The following KIAA1217 variants were observed in gnomAD, a reference collection of about 807,000 sequenced individuals.
KIAA1217 encodes the protein sickle tail protein homolog.
KIAA1217 carries 88 observed loss-of-function variants against 163.9 expected under a neutral mutation model. The ratio of observed to expected loss-of-function variants is 0.54; its 90% CI spans 0.45 to 0.64. The LOEUF is 0.64. Among genes scored for constraint, KIAA1217 ranks in the 30% least tolerant of loss-of-function variants. The pLI is 0.00. For missense variants in KIAA1217, 2,372 were observed against 2,475.0 expected (o/e 0.96, Z 0.88); for synonymous variants, 903 against 923.1 (o/e 0.98, Z 0.39).
intron 1 of KIAA1217, among the ~76,000 whole-genome samples, chr10:23,748,484 G>A (rs530567804): frequency 2.4e-5 from 3 of 125,272 alleles, no homozygotes; most frequent in Admixed American, 1.7e-4. Context: ...AAGGAAGGAA[G>A]GAAGGAAAGA....
In KIAA1217 at chr10:24,056,960, A is replaced by G. The variant is rs199940173; in HGVS notation, c.-171+49586A>G. 3.9e-5 allele frequency among the ~76,000 whole-genome samples: 6 copies of G among 152,340 alleles called. No individual in the cohort carries two copies. The East Asian group carries it at 7.7e-4, about 20-fold the overall frequency. ...TTAAAATTCAGAGTAAATACAATGA[A>G]GAGAAAACTGACAAAATAGAAGGTA... On this transcript the variant is annotated intron_variant, in intron 2 of 18. Coordinates refer to the KIAA1217 transcript ENST00000376462.
rs142760601 is a variant in KIAA1217 at position 24,275,441 on chromosome 10, G to A, written c.354+55532G>A. On this transcript the variant is annotated intron_variant, in intron 2 of 20. Coordinates refer to ENST00000376454, the MANE Select transcript of KIAA1217 (RefSeq NM_019590.5). ...GAAAACTGAAACAAAAAAGCAGAGTGTTGTTTAGTTAGACGCCACCTGGGA... is the reference window on the plus strand; with the variant it reads ...GAAAACTGAAACAAAAAAGCAGAGTATTGTTTAGTTAGACGCCACCTGGGA... 2.1e-3 allele frequency among the ~76,000 whole-genome samples: 319 copies of A among 152,320 alleles called. 3 individuals carry two copies. The highest frequency in any genetic ancestry group is 7.5e-3 in the African/African-American group (312 of 41,558).
chr10:24,225,782 A>G (rs944626733), intron 2 of KIAA1217, among the ~76,000 whole-genome samples: 4 of 152,240 alleles, frequency 2.6e-5, no homozygotes, highest in Admixed American at 6.5e-5. Context: ...TGCATTACAT[A>G]TATTTTTTAC....
At position 23,695,069 on chromosome 10, in the gene KIAA1217, G is replaced by A. The variant is rs1333235383; in HGVS notation, c.-486G>A. 6.6e-6 allele frequency: 1 copy of A among 152,300 alleles called. No individual in the cohort carries two copies. The highest frequency in any genetic ancestry group is 1.5e-5 in the Non-Finnish European group (1 of 68,158). 9.4% of individuals were successfully genotyped at this position (152,300 alleles called of 1,614,324 possible). On this transcript the variant is annotated 5_prime_UTR_variant, in exon 1 of 19. Transcript: ENST00000376462. This position sits in a 1 kb window ranked among gnomAD's most constrained non-coding sequence, Gnocchi z 4.9. ...GAGCGGCGGCCGAACCTCGGCCCCAGACTCGGGCCCCCGGCACGCTCGCCC... is the reference window on the plus strand; with the variant it reads ...GAGCGGCGGCCGAACCTCGGCCCCAAACTCGGGCCCCCGGCACGCTCGCCC...
At chr10:23,732,275 G>A (rs1838519703) in intron 1 of KIAA1217, among the ~76,000 whole-genome samples, 1 of 151,968 alleles carries the variant, frequency 6.6e-6, no homozygotes, top group South Asian at 2.1e-4. Flanking sequence ...AACTTTAAAA[G>A]ATATATAGTT....
chr10:23,852,026 C>A (rs1260597771), intron 1 of KIAA1217, among the ~76,000 whole-genome samples: 1 of 152,078 alleles, frequency 6.6e-6, no homozygotes, highest in African/African-American at 2.4e-5. Flanking sequence ...TAATTAGATC[C>A]CATTTGTCAA....
intron 1 of KIAA1217, among the ~76,000 whole-genome samples, chr10:23,699,797 T>C (rs979025613): frequency 6.6e-6 from 1 of 152,164 alleles, no homozygotes; most frequent in Non-Finnish European, 1.5e-5. Context: ...GCCATTGCTT[T>C]CTTTATTAAT....
chr10:24,233,493 C>T (rs1261081145), intron 2 of KIAA1217, among the ~76,000 whole-genome samples: 1 of 152,122 alleles, frequency 6.6e-6, no homozygotes, highest in African/African-American at 2.4e-5. Flanking sequence ...AGAGATATCT[C>T]TTTAGTGGAA....
intron 1 of KIAA1217, among the ~76,000 whole-genome samples, chr10:23,884,482 G>A (rs563791923): frequency 2.6e-5 from 4 of 151,990 alleles, no homozygotes; most frequent in South Asian, 2.1e-4. Flanking sequence ...TCAGTCTAAC[G>A]ATTGCTGACA....
intron 1 of KIAA1217, among the ~76,000 whole-genome samples, chr10:23,757,813 C>T (rs1359399378): frequency 6.6e-6 from 1 of 152,188 alleles, no homozygotes; most frequent in Non-Finnish European, 1.5e-5. Flanking sequence ...CCACCACACC[C>T]AGCCTAAGCA....
At chr10:24,183,027 G>A (rs558206084) in intron 2 of KIAA1217, among the ~76,000 whole-genome samples, 63 of 152,322 alleles carry the variant, frequency 4.1e-4, no homozygotes, top group African/African-American at 1.3e-3. Context: ...CATTCTTGTC[G>A]TAGTGAATGA....
chr10:24,291,994 G>C (rs2079132849), intron 2 of KIAA1217, among the ~76,000 whole-genome samples: 1 of 152,164 alleles, frequency 6.6e-6, no homozygotes, highest in African/African-American at 2.4e-5. Flanking sequence ...AACAACATTG[G>C]AGGATTTTTG....
rs556472901 is a variant in KIAA1217, at chr10:24,291,304, G to A, written c.354+71395G>A. Among the ~76,000 whole-genome samples the A allele has an allele frequency of 4.0e-4, 61 of 152,224 alleles. 1 individual carries two copies. Among genetic ancestry groups the A allele is most frequent in the Admixed American group, 1.1e-3 (17 of 15,296 alleles). On this transcript the variant is annotated intron_variant, in intron 2 of 20. Coordinates refer to ENST00000376454, the MANE Select transcript of KIAA1217 (RefSeq NM_019590.5). ...AGCACTTTGAGAGGCTGAGGCGGGC[G>A]GATCACCTGAGGTCAGGAATTCCAG...
intron 1 of KIAA1217, among the ~76,000 whole-genome samples, chr10:24,209,522 C>G (rs1238545566): frequency 6.6e-6 from 1 of 152,150 alleles, no homozygotes; most frequent in African/African-American, 2.4e-5. Flanking sequence ...AGTGAGCCAT[C>G]AGCATGAGCT....
intron 10 of KIAA1217, among the ~76,000 whole-genome samples, chr10:24,514,940 C>T (rs916301807): frequency 6.6e-6 from 1 of 151,584 alleles, no homozygotes; most frequent in African/African-American, 2.4e-5. Flanking sequence ...TGTGGTGAGC[C>T]GAGATTGCAC....
At chr10:24,040,345 G>A (rs948087211) in intron 2 of KIAA1217, among the ~76,000 whole-genome samples, 1 of 152,202 alleles carries the variant, frequency 6.6e-6, no homozygotes, top group Non-Finnish European at 1.5e-5. Flanking sequence ...TCATTTGACA[G>A]CCTATAAAGT....
At chr10:24,355,184 G>C (rs549573893) in intron 2 of KIAA1217, among the ~76,000 whole-genome samples, 1 of 152,180 alleles carries the variant, frequency 6.6e-6, no homozygotes, top group Non-Finnish European at 1.5e-5. Flanking sequence ...GGCCAGAGGA[G>C]GTTGCAGCTG....
chr10:23,978,098 T>TA (rs1845615259), intron 1 of KIAA1217, among the ~76,000 whole-genome samples: 1 of 152,178 alleles, frequency 6.6e-6, no homozygotes, highest in South Asian at 2.1e-4. Flanking sequence ...CCAGCACTGA[T>TA]AAGGGAGTTG....
intron 3 of KIAA1217, among the ~76,000 whole-genome samples, chr10:24,388,775 C>T (rs1354293293): frequency 6.6e-6 from 1 of 151,952 alleles, no homozygotes; most frequent in Non-Finnish European, 1.5e-5. Context: ...CAAAAGAAGA[C>T]ATTTATGCAT....
Sources: allele counts gnomAD v4.1 joint callset (sites outside exome capture counted in the v4.1 genomes callset), GRCh38; gene constraint gnomAD v4.1.1; non-coding constraint Gnocchi (gnomAD v3.1); transcripts MANE v1.5; gene names NCBI Gene and HGNC (gene_info 2026-07-23, HGNC 2026-07-21).